Variants in PDLIM5 observed in about 807,000 individuals in gnomAD.
PDLIM5 encodes the protein PDZ and LIM domain 5, also known as PDZ and LIM domain protein 5.
Under a neutral mutation model 64.2 loss-of-function variants are expected in PDLIM5, and 34 were observed. The ratio of observed to expected loss-of-function variants is 0.53; its 90% CI spans 0.40 to 0.71. PDLIM5 has a LOEUF of 0.71. Ranked by LOEUF, PDLIM5 falls within the 30% of genes least tolerant of loss-of-function variation. The probability of loss-of-function intolerance (pLI) is 0.00; values close to 1 mark genes in which losing one functional copy is unlikely to be tolerated. For synonymous variants in PDLIM5, 253 were observed against 269.1 expected (o/e 0.94, Z 0.59); for missense variants, 683 against 733.6 (o/e 0.93, Z 0.80).
intron 2 of PDLIM5, among the ~76,000 whole-genome samples, chr4:94,462,413 A>G (rs577018338): frequency 6.6e-6 from 1 of 152,154 alleles, no homozygotes; most frequent in African/African-American, 2.4e-5. Context: ...CAGTAAATAT[A>G]TCTTCATTCT....
chr4:94,662,844 T>C (rs1742846074), intron 12 of PDLIM5, among the ~76,000 whole-genome samples: 1 of 151,406 alleles, frequency 6.6e-6, no homozygotes, highest in African/African-American at 2.4e-5. Context: ...AAACCTCTGT[T>C]ACTGGAGTGT....
intron 2 of PDLIM5, among the ~76,000 whole-genome samples, chr4:94,468,735 A>G (rs763320684): frequency 2.8e-4 from 42 of 152,220 alleles, no homozygotes; most frequent in Non-Finnish European, 4.7e-4. Context: ...TTTTATTGTT[A>G]CTACTTACTA....
chr4:94,613,960 C>CTTTT (rs759120575), intron 7 of PDLIM5, among the ~76,000 whole-genome samples: 26 of 124,342 alleles, frequency 2.1e-4, no homozygotes, highest in African/African-American at 4.3e-4. Context: ...ACTTTTAATC[C>CTTTT]TTTTTTTTTT....
rs916519373 is a variant in PDLIM5 at position 94,607,972 on chromosome 4, T to A, written c.921-10032T>A. 3 of 903,660 alleles carry A rather than the reference T, an allele frequency of 3.3e-6. No individual in the cohort carries two copies. In the Admixed American group the frequency reaches 9.0e-5, roughly 27 times the overall value. 56.0% of individuals were successfully genotyped at this position (903,660 alleles called of 1,614,324 possible). ...GTTCCCAAAATTGAACTAGTAGACA[T>A]TTAAAAGATGGTATAGATGATAAAT... On this transcript the variant is annotated intron_variant, in intron 7 of 12. Transcript: ENST00000317968.
rs555242300 is a variant in PDLIM5, at chr4:94,635,269, A to T, written c.1109-5007A>T. ...AGGGAGTAGAGATTAGCCATAAAAG[A>T]AGCCAATATTTAATGAAAGTTGCTC... On this transcript the variant is annotated intron_variant, in intron 8 of 12. Coordinates refer to ENST00000317968, the MANE Select transcript of PDLIM5 (RefSeq NM_006457.5). Among the ~76,000 whole-genome samples, 8 of 152,304 alleles carry T rather than the reference A, an allele frequency of 5.3e-5. No individual in the cohort carries two copies. In the South Asian group the frequency reaches 1.7e-3, roughly 32 times the overall value.
At chr4:94,494,432 GTTTTTTT>G (rs61675663) in intron 2 of PDLIM5, among the ~76,000 whole-genome samples, 16,321 of 70,998 alleles carry the variant, frequency 0.23, 771 homozygotes, top group East Asian at 0.33. Flanking sequence ...TTTTTTTCTT[GTTTTTTT>G]TTTTTTTTTT....
At chr4:94,595,031 G>A (rs1464504884) in intron 7 of PDLIM5, among the ~76,000 whole-genome samples, 1 of 152,118 alleles carries the variant, frequency 6.6e-6, no homozygotes, top group Non-Finnish European at 1.5e-5. Flanking sequence ...GAAGGTGAAG[G>A]GGAAGCTGGT....
intron 2 of PDLIM5, among the ~76,000 whole-genome samples, chr4:94,511,596 C>A (rs1045966788): frequency 1.5e-5 from 1 of 64,646 alleles, no homozygotes. Context: ...GACATCCCCC[C>A]CAACACACAC....
chr4:94,650,589 G>A (rs752494035), intron 9 of PDLIM5, among the ~76,000 whole-genome samples: 21 of 151,798 alleles, frequency 1.4e-4, no homozygotes, highest in Non-Finnish European at 2.5e-4. Flanking sequence ...TTTCTCTGAC[G>A]TTTTCTTCAT....
At chr4:94,575,446 A>T (rs532054969) in intron 4 of PDLIM5, among the ~76,000 whole-genome samples, 170 bp from the exon 5 acceptor site, 62 of 152,284 alleles carry the variant, frequency 4.1e-4, no homozygotes, top group African/African-American at 1.5e-3. Context: ...ACTAGTTAGC[A>T]TGCACGTTAT....
At chr4:94,614,690 C>A (rs916316438) in intron 7 of PDLIM5, among the ~76,000 whole-genome samples, 2 of 151,982 alleles carry the variant, frequency 1.3e-5, no homozygotes, top group African/African-American at 2.4e-5. Flanking sequence ...TACTCCAAGC[C>A]CTTTGTAGCT....
chr4:94,454,321 C>CG (rs1194110797), intron 1 of PDLIM5, among the ~76,000 whole-genome samples: 1 of 149,814 alleles, frequency 6.7e-6, no homozygotes, highest in Non-Finnish European at 1.5e-5. Flanking sequence ...ATAGGAAACT[C>CG]GAAGTTTTTT....
chr4:94,504,829 C>T (rs1034752418), intron 2 of PDLIM5, among the ~76,000 whole-genome samples: 1 of 152,096 alleles, frequency 6.6e-6, no homozygotes, highest in Non-Finnish European at 1.5e-5. Flanking sequence ...CTGAATGTTT[C>T]CAAACTCTGA....
At chr4:94,592,633 T>A (rs1736752267) in intron 7 of PDLIM5, among the ~76,000 whole-genome samples, 1 of 152,200 alleles carries the variant, frequency 6.6e-6, no homozygotes. Flanking sequence ...TGTTTTGTTT[T>A]GTTTTGTTTT....
At position 94,662,556 on chromosome 4, in the gene PDLIM5, C is replaced by A. The variant is rs981124129; in HGVS notation, c.1701+19C>A. Reference sequence around the variant, plus strand: ...ATGCTCAGTAAGTAGAGTCTTATTTCCTAATTAAAGGGGTATAGTATGGCC... The same window carrying A: ...ATGCTCAGTAAGTAGAGTCTTATTTACTAATTAAAGGGGTATAGTATGGCC... On this transcript the variant is annotated intron_variant, in intron 12 of 12. Coordinates refer to ENST00000317968, the MANE Select transcript of PDLIM5 (RefSeq NM_006457.5). 1.6e-6 allele frequency: 2 copies of A among 1,260,124 alleles called. No homozygotes were observed. The highest frequency in any genetic ancestry group is 1.2e-6 in the Non-Finnish European group (1 of 857,424). 78.1% of individuals were successfully genotyped at this position (1,260,124 alleles called of 1,614,324 possible).
chr4:94,462,156 C>T (rs1723950519), intron 2 of PDLIM5, among the ~76,000 whole-genome samples: 1 of 152,184 alleles, frequency 6.6e-6, no homozygotes, highest in Non-Finnish European at 1.5e-5. Flanking sequence ...AGCCACTGCA[C>T]CCAGCTTAAT....
chr4:94,627,624 T>C (rs1057342800), intron 8 of PDLIM5, among the ~76,000 whole-genome samples: 3 of 152,234 alleles, frequency 2.0e-5, no homozygotes, highest in African/African-American at 7.2e-5. Context: ...TACGGTTGTT[T>C]ACGTATTGTT....
intron 3 of PDLIM5, among the ~76,000 whole-genome samples, chr4:94,535,066 G>A (rs1317023194): frequency 2.0e-5 from 3 of 152,192 alleles, no homozygotes; most frequent in Non-Finnish European, 4.4e-5. Flanking sequence ...GACATTTTCA[G>A]GACCATATTT....
At chr4:94,622,082 AAAC>A (rs1402646249) in intron 8 of PDLIM5, among the ~76,000 whole-genome samples, 3 of 152,188 alleles carry the variant, frequency 2.0e-5, no homozygotes, top group Non-Finnish European at 4.4e-5. Context: ...TTAAAAATAA[AAAC>A]AAAATTCCCA....
Sources: allele counts gnomAD v4.1 joint callset (sites outside exome capture counted in the v4.1 genomes callset), GRCh38; gene constraint gnomAD v4.1.1; transcripts MANE v1.5; gene names NCBI Gene and HGNC (gene_info 2026-07-23, HGNC 2026-07-21).